The following PDE3A variants were observed in gnomAD, a reference collection of about 807,000 sequenced individuals.
PDE3A encodes phosphodiesterase 3A.
PDE3A carries 43 observed loss-of-function variants against 98.3 expected under a neutral mutation model. The ratio of observed to expected loss-of-function variants is 0.44; its 90% CI spans 0.34 to 0.56. PDE3A has a LOEUF of 0.56. Ranked by LOEUF, PDE3A falls within the 20% of genes least tolerant of loss-of-function variation. The pLI is 0.01. For synonymous variants in PDE3A, 663 were observed against 567.9 expected, an observed-to-expected ratio of 1.17 and a Z score of -2.38; for missense variants, 1,427 against 1,440.7, an observed-to-expected ratio of 0.99 and a Z score of 0.15.
At chr12:20,509,143 A>G (rs1946171776) in intron 1 of PDE3A, among the ~76,000 whole-genome samples, 1 of 152,078 alleles carries the variant, frequency 6.6e-6, no homozygotes. Context: ...CAAACAGGCC[A>G]AATATCTAAT....
Position 20,511,935 on chromosome 12 carries a change from T to C in PDE3A, c.961-44725T>C, listed in dbSNP as rs79800635. Among the ~76,000 whole-genome samples the C allele has an allele frequency of 1.8e-4, 27 of 152,156 alleles. No individual in the cohort carries two copies. The East Asian group carries it at 5.2e-3, about 29-fold the overall frequency. Reference sequence around the variant, plus strand: ...ATGTGGTTGTCTCCTCAAAAATCCATAACTCCATCTTATGAAAAAAGTTCA... The same window carrying C: ...ATGTGGTTGTCTCCTCAAAAATCCACAACTCCATCTTATGAAAAAAGTTCA... On this transcript the variant is annotated intron_variant, in intron 1 of 15. Transcript: ENST00000359062.
chr12:20,637,036 A>G, intron 8 of PDE3A, 64 bp from the exon 9 acceptor site: 1 of 1,137,862 alleles, frequency 8.8e-7, no homozygotes, highest in South Asian at 1.9e-5. Context: ...GAATTTAGCA[A>G]AGCACAAATT....
intron 3 of PDE3A, among the ~76,000 whole-genome samples, chr12:20,614,948 G>A (rs1031078029): frequency 2.7e-5 from 4 of 150,528 alleles, no homozygotes; most frequent in South Asian, 2.1e-4. Flanking sequence ...TATGACTGTT[G>A]CTGAAGTTAT....
chr12:20,442,499 A>G (rs1217222422), intron 1 of PDE3A, among the ~76,000 whole-genome samples: 1 of 152,192 alleles, frequency 6.6e-6, no homozygotes, highest in East Asian at 1.9e-4. Flanking sequence ...GTAGTGATGC[A>G]TACCACTTGT....
intron 1 of PDE3A, among the ~76,000 whole-genome samples, chr12:20,459,401 G>A (rs1158368408): frequency 6.6e-6 from 1 of 152,044 alleles, no homozygotes; most frequent in East Asian, 1.9e-4. Flanking sequence ...CTTCTGGAAA[G>A]CCTTAAAGGC....
Position 20,633,722 on chromosome 12 carries a change from C to T in PDE3A, c.1790C>T (p.Pro597Leu), listed in dbSNP as rs771485868. Reference protein sequence around the residue: ...SCGRPYSQGNPADEPLERSGV... With the variant: ...SCGRPYSQGNLADEPLERSGV... ...GGCAGACCATATTCCCAAGGGAATCCTGCTGATGAGCCCCTGGAGAGAAGT... is the reference window on the plus strand; with the variant it reads ...GGCAGACCATATTCCCAAGGGAATCTTGCTGATGAGCCCCTGGAGAGAAGT... Residue 597 changes from proline to leucine, a missense_variant, in exon 7 of 16, where the codon CCT becomes CTT. Physicochemically the swap from Pro to Leu is moderately conservative, Grantham distance 98. Coordinates refer to ENST00000359062, the MANE Select transcript of PDE3A (RefSeq NM_000921.5). 6.2e-7 allele frequency: 1 copy of T among 1,611,014 alleles called. No individual in the cohort carries two copies. Among genetic ancestry groups the T allele is most frequent in the South Asian group, 1.1e-5 (1 of 90,802 alleles).
At chr12:20,670,179 A>G (rs1945433458) in intron 15 of PDE3A, among the ~76,000 whole-genome samples, 1 of 150,892 alleles carries the variant, frequency 6.6e-6, no homozygotes, top group South Asian at 2.1e-4. Flanking sequence ...CCAATAAAGG[A>G]GCACCAAGAT....
At chr12:20,393,196 A>C (rs143891314) in intron 1 of PDE3A, among the ~76,000 whole-genome samples, 1,751 of 152,140 alleles carry the variant, frequency 0.012, 31 homozygotes, top group African/African-American at 0.04. Context: ...GCAATTTACA[A>C]AAGAAAGAGG....
At chr12:20,666,787 A>T (rs1945325475) in intron 15 of PDE3A, among the ~76,000 whole-genome samples, 1 of 152,170 alleles carries the variant, frequency 6.6e-6, no homozygotes, top group Non-Finnish European at 1.5e-5. Flanking sequence ...TCCTTTGATA[A>T]ATACCCAGTA....
At chr12:20,671,128 A>G (rs929996450) in intron 15 of PDE3A, among the ~76,000 whole-genome samples, 3 of 143,840 alleles carry the variant, frequency 2.1e-5, no homozygotes, top group Admixed American at 2.1e-4. Flanking sequence ...CGACACATAC[A>G]CTCTCCCAAG....
intron 1 of PDE3A, among the ~76,000 whole-genome samples, chr12:20,545,096 G>A (rs1427584507): frequency 5.9e-5 from 9 of 151,964 alleles, no homozygotes; most frequent in Non-Finnish European, 1.3e-4. Flanking sequence ...ATTATTAATA[G>A]TCTCCAAAAT....
At chr12:20,477,644 A>G (rs1945553421) in intron 1 of PDE3A, among the ~76,000 whole-genome samples, 1 of 152,160 alleles carries the variant, frequency 6.6e-6, no homozygotes, top group Non-Finnish European at 1.5e-5. Flanking sequence ...GGAGTGAAGG[A>G]TTTGTATATT....
chr12:20,484,485 C>G (rs1045023000), intron 1 of PDE3A, among the ~76,000 whole-genome samples: 1 of 152,188 alleles, frequency 6.6e-6, no homozygotes, highest in Non-Finnish European at 1.5e-5. Context: ...TTTGGCGTAT[C>G]TGTGATTTCT....
At chr12:20,642,472 T>C (rs1289270931) in intron 10 of PDE3A, among the ~76,000 whole-genome samples, 28 of 152,344 alleles carry the variant, frequency 1.8e-4, no homozygotes, top group South Asian at 4.1e-4. Context: ...TAATGTTTGG[T>C]GTCATTCATA....
chr12:20,510,712 TAC>T (rs1485123327), intron 1 of PDE3A, among the ~76,000 whole-genome samples: 1 of 151,960 alleles, frequency 6.6e-6, no homozygotes, highest in African/African-American at 2.4e-5. Flanking sequence ...AAATAGAAGA[TAC>T]AGAGAGTTAT....
intron 1 of PDE3A, among the ~76,000 whole-genome samples, chr12:20,407,958 C>T (rs1259787521): frequency 1.3e-5 from 2 of 151,968 alleles, no homozygotes; most frequent in Admixed American, 1.3e-4. Context: ...GTTGCTCTGT[C>T]CCCCAGGCTG....
At chr12:20,384,460 C>T (rs1160684106) in intron 1 of PDE3A, among the ~76,000 whole-genome samples, 2 of 151,828 alleles carry the variant, frequency 1.3e-5, no homozygotes, top group African/African-American at 4.8e-5. Context: ...TTGTGTCATT[C>T]ACATGCTCTT....
chr12:20,628,103 C>A (rs1944307491), intron 5 of PDE3A, among the ~76,000 whole-genome samples: 1 of 152,026 alleles, frequency 6.6e-6, no homozygotes, highest in Non-Finnish European at 1.5e-5. Context: ...ATAAGAAAAA[C>A]TAATTATGAG....
chr12:20,546,588 A>G (rs888842628), intron 1 of PDE3A, among the ~76,000 whole-genome samples: 3 of 152,042 alleles, frequency 2.0e-5, no homozygotes, highest in Non-Finnish European at 4.4e-5. Context: ...CAAGGAAAGA[A>G]TCCAATCAAA....
Sources: allele counts gnomAD v4.1 joint callset (sites outside exome capture counted in the v4.1 genomes callset), GRCh38; gene constraint gnomAD v4.1.1; transcripts MANE v1.5; gene names NCBI Gene and HGNC (gene_info 2026-07-23, HGNC 2026-07-21).